GRIN2D: variants seen among roughly 807,000 people sequenced by gnomAD.
GRIN2D encodes glutamate receptor ionotropic, NMDA 2D.
In GRIN2D, 37 loss-of-function variants were observed where a neutral mutation model predicts 103.2. The ratio of observed to expected loss-of-function variants is 0.36; its 90% CI spans 0.28 to 0.47. The LOEUF is 0.47. Among genes scored for constraint, GRIN2D ranks in the 20% least tolerant of loss-of-function variants. GRIN2D has a pLI of 1.00. For synonymous variants in GRIN2D, 845 were observed against 885.6 expected (o/e 0.95, Z 0.81); for missense variants, 1,557 against 1,910.6 (o/e 0.81, Z 3.45).
chr19:48,439,288 C>T (rs2147472611), intron 11 of GRIN2D, among the ~76,000 whole-genome samples: 1 of 151,984 alleles, frequency 6.6e-6, no homozygotes, highest in South Asian at 2.1e-4. Context: ...ACACCCCATA[C>T]ATCCTTACCT....
In GRIN2D at chr19:48,398,802, C is replaced by T; in HGVS notation, c.410C>T (p.Thr137Ile). Reference protein sequence around the residue: ...APILDFLSAQTSLPIVAVHGG... With the variant: ...APILDFLSAQISLPIVAVHGG... ...ATCCTCGACTTCCTGTCGGCGCAGA[C>T]CTCGCTGCCCATCGTGGCCGTGCAC... Residue 137 changes from threonine (T) to isoleucine (I), a missense_variant, in exon 3 of 14, where the codon ACC becomes ATC. Thr to Ile is a moderately conservative substitution (Grantham distance 89). Transcript: ENST00000263269. 2 of 1,453,574 alleles carry T rather than the reference C, an allele frequency of 1.4e-6. No homozygotes were observed. The highest frequency in any genetic ancestry group is 1.8e-6 in the Non-Finnish European group (2 of 1,107,774). 90.0% of individuals were successfully genotyped at this position (1,453,574 alleles called of 1,614,324 possible). A position where few individuals can be genotyped will look rare whatever the true frequency, so the allele number is the denominator to read the frequency against.
intron 11 of GRIN2D, among the ~76,000 whole-genome samples, chr19:48,429,553 C>T (rs1312888800): frequency 6.6e-6 from 1 of 152,074 alleles, no homozygotes; most frequent in African/African-American, 2.4e-5. Flanking sequence ...AAGCCTGCCA[C>T]CACGCCCAGC....
In GRIN2D at chr19:48,419,593, G is replaced by C. The variant is rs1970992635; in HGVS notation, c.1870G>C (p.Gly624Arg). The change falls in exon 10 of 14, where the codon GGT becomes CGT. Residue 624 changes from glycine (G) to arginine (R), a missense_variant. Gly to Arg is a moderately radical substitution (Grantham distance 125, BLOSUM62 -2). Transcript: ENST00000263269. ...RSLATGKRPG[G>R]STFTIGKSIW... ...GTCCTGGCCCCCTGCAGGCCCTGGC[G>C]GTTCAACCTTCACCATTGGGAAATC... 3.1e-6 allele frequency: 5 copies of C among 1,612,396 alleles called. No individual in the cohort carries two copies. Among genetic ancestry groups the C allele is most frequent in the Non-Finnish European group, 4.2e-6 (5 of 1,179,114 alleles).
At position 48,399,910 on chromosome 19, in the gene GRIN2D, G is replaced by T. The variant is rs530520387; in HGVS notation, c.465+1053G>T. Among the ~76,000 whole-genome samples the T allele has an allele frequency of 1.6e-3, 239 of 151,876 alleles. 1 individual carries two copies. Among genetic ancestry groups the T allele is most frequent in the African/African-American group, 5.4e-3 (225 of 41,388 alleles). ...GGGGCCAGCGAGGGGCGGGGCCTAA[G>T]CACTCTAATAAAGGGGTGGGTCTAG... is the stretch of plus-strand genomic sequence containing the variant. On this transcript the variant is annotated intron_variant, in intron 3 of 13. Transcript: ENST00000263269.
chr19:48,394,322 G>T lies in GRIN2D; in HGVS notation c.-305-336G>T, dbSNP rs193034967. Among the ~76,000 whole-genome samples, 494 of 151,608 alleles carry T rather than the reference G, an allele frequency of 3.3e-3. 6 individuals carry two copies. The East Asian group carries it at 0.051, about 16-fold the overall frequency. On this transcript the variant is annotated intron_variant, in intron 1 of 13. Transcript: ENST00000263269. The surrounding 1 kb of genome is among the most constrained non-coding windows in gnomAD (Gnocchi z 5.1). ...TTTGAGAGTGGGGGAGTCAAGGGGG[G>T]GTCTAGAGGTGGCCAAGCGAGGAAG...
chr19:48,412,913 T>A (rs1231382914), intron 4 of GRIN2D, among the ~76,000 whole-genome samples: 2 of 146,530 alleles, frequency 1.4e-5, no homozygotes, highest in African/African-American at 2.5e-5. Flanking sequence ...GGTGGATCAC[T>A]GAGGCTGAGG....
At chr19:48,406,336 A>G (rs1043634289) in intron 4 of GRIN2D, among the ~76,000 whole-genome samples, 1 of 152,218 alleles carries the variant, frequency 6.6e-6, no homozygotes, top group Non-Finnish European at 1.5e-5. Context: ...CTTACGCACT[A>G]TTATTTTAGA....
At chr19:48,435,066 G>A (rs976932895) in intron 11 of GRIN2D, among the ~76,000 whole-genome samples, 1 of 151,668 alleles carries the variant, frequency 6.6e-6, no homozygotes, top group African/African-American at 2.4e-5. Flanking sequence ...CTATTAATTC[G>A]CTAGGGCAGC....
chr19:48,412,515 C>T (rs951472032), intron 4 of GRIN2D, among the ~76,000 whole-genome samples: 5 of 151,324 alleles, frequency 3.3e-5, no homozygotes, highest in African/African-American at 7.3e-5. Flanking sequence ...AGGCCAGGCG[C>T]GGTGGCTCAC....
intron 4 of GRIN2D, among the ~76,000 whole-genome samples, chr19:48,412,467 AAGAAAGAAAGAAAGAG>A (rs1569063226): frequency 2.1e-5 from 3 of 146,194 alleles, no homozygotes; most frequent in African/African-American, 7.8e-5. Context: ...GAAAGAAAGA[AAGAAAGAAAGAAAGAG>A]AGAGAAAGAA....
At chr19:48,401,265 GAA>G (rs375552992) in intron 3 of GRIN2D, among the ~76,000 whole-genome samples, 20 of 150,290 alleles carry the variant, frequency 1.3e-4, no homozygotes, top group Admixed American at 4.7e-4. Flanking sequence ...GAGGGGGGGG[GAA>G]AAAAAGAGAG....
intron 11 of GRIN2D, among the ~76,000 whole-genome samples, chr19:48,432,525 C>G (rs186453909): frequency 1.7e-3 from 253 of 151,934 alleles, no homozygotes; most frequent in African/African-American, 5.9e-3. Flanking sequence ...GTTCCCCAGG[C>G]TAGAGTGCAG....
chr19:48,440,770 T>C (rs954801436), intron 11 of GRIN2D, among the ~76,000 whole-genome samples: 1 of 152,140 alleles, frequency 6.6e-6, no homozygotes, highest in African/African-American at 2.4e-5. Context: ...CACAGCAACC[T>C]CTGCCTCCCA....
intron 11 of GRIN2D, among the ~76,000 whole-genome samples, chr19:48,427,460 A>G (rs1325390840): frequency 7.0e-6 from 1 of 142,516 alleles, no homozygotes; most frequent in Non-Finnish European, 1.5e-5. Flanking sequence ...GATCATTCCT[A>G]TATCTTCTTT....
Position 48,444,864 on chromosome 19 carries a change from A to G in GRIN2D, c.*927A>G, listed in dbSNP as rs1027392627. The G allele has an allele frequency of 1.3e-5, 2 of 152,112 alleles. No homozygotes were observed. The highest frequency in any genetic ancestry group is 4.8e-5 in the African/African-American group (2 of 41,378). 9.4% of individuals were successfully genotyped at this position (152,112 alleles called of 1,614,324 possible). A position where few individuals can be genotyped will look rare whatever the true frequency, so the allele number is the denominator to read the frequency against. ...TCTGGGAGTCCACACTTCTCCACCA[A>G]CTTCCCTTCCCACTCTCTTATTCCA... On this transcript the variant is annotated 3_prime_UTR_variant, in exon 14 of 14. Transcript: ENST00000263269. This position sits in a 1 kb window ranked among gnomAD's most constrained non-coding sequence, Gnocchi z 5.5.
chr19:48,432,841 A>AGT (rs1284989304), intron 11 of GRIN2D, among the ~76,000 whole-genome samples: 1 of 146,794 alleles, frequency 6.8e-6, no homozygotes, highest in African/African-American at 2.5e-5. Context: ...CCCAGGCTGG[A>AGT]GTGCAGTGGC....
chr19:48,411,593 G>A (rs981374983), intron 4 of GRIN2D, among the ~76,000 whole-genome samples: 1 of 151,754 alleles, frequency 6.6e-6, no homozygotes, highest in Non-Finnish European at 1.5e-5. Context: ...AGGTTCCAGC[G>A]AGCTGAGATT....
At position 48,398,820 on chromosome 19, in the gene GRIN2D, C is replaced by G; in HGVS notation, c.428C>G (p.Ala143Gly). 1 of 1,422,480 alleles carries G rather than the reference C, an allele frequency of 7.0e-7. No homozygotes were observed. Among genetic ancestry groups the G allele is most frequent in the Admixed American group, 2.9e-5 (1 of 34,560 alleles). 88.1% of individuals were successfully genotyped at this position (1,422,480 alleles called of 1,614,324 possible). The change falls in exon 3 of 14, where the codon GCC (alanine) becomes GGC (glycine). Residue 143 changes from alanine (A) to glycine (G), a missense_variant. Around this residue, in one of 7 missense-constraint regions of GRIN2D, gnomAD observed 490 missense variants for 601.1 expected, o/e 0.82. Transcript: ENST00000263269. ...LSAQTSLPIVAVHGGAALVLT... is the reference protein window; with the variant it reads ...LSAQTSLPIVGVHGGAALVLT... ...GCGCAGACCTCGCTGCCCATCGTGG[C>G]CGTGCACGGCGGCGCCGCGCTCGTG...
chr19:48,443,590 C>A lies in GRIN2D; in HGVS notation c.3664C>A (p.Arg1222Ser), dbSNP rs1281771004. ...PPWAAGPLPR[R>S]RARCGCPRSH... ...CTGGGCCGCCGGGCCCCTGCCCCGA[C>A]GCCGGGCCCGCTGCGGGTGCCCGCG... is the stretch of plus-strand genomic sequence containing the variant. The change falls in exon 14 of 14, where the codon CGC (arginine) becomes AGC (serine). Residue 1222 changes from arginine to serine, a missense_variant. Around this residue, in one of 7 missense-constraint regions of GRIN2D, gnomAD observed 632 missense variants for 572.8 expected, o/e 1.10. Transcript: ENST00000263269. This position sits in a 1 kb window ranked among gnomAD's most constrained non-coding sequence, Gnocchi z 8.9. 1.1e-4 allele frequency: 127 copies of A among 1,168,132 alleles called. No homozygotes were observed. The highest frequency in any genetic ancestry group is 1.3e-4 in the Non-Finnish European group (123 of 948,724). The allele number at this position is 1,168,132 out of a possible 1,614,324, so 72.4% of individuals were successfully genotyped here.
Sources: allele counts gnomAD v4.1 joint callset (sites outside exome capture counted in the v4.1 genomes callset), GRCh38; gene constraint gnomAD v4.1.1; regional missense constraint gnomAD v4.1.1; non-coding constraint Gnocchi (gnomAD v3.1); transcripts MANE v1.5; gene names NCBI Gene and HGNC (gene_info 2026-07-23, HGNC 2026-07-21).